The following CCDC3 variants were observed in gnomAD, a reference collection of about 807,000 sequenced individuals.
CCDC3 encodes coiled-coil domain-containing protein 3.
CCDC3 carries 24 observed loss-of-function variants against 21.4 expected under a neutral mutation model. The ratio of observed to expected loss-of-function variants is 1.12; its 90% CI spans 0.81 to 1.58. The LOEUF (loss-of-function observed/expected upper bound fraction) is 1.58, where lower values mean the gene tolerates loss of function less well. CCDC3 is among the 40% of genes most tolerant of loss of function. The probability of loss-of-function intolerance (pLI) is 0.00; values close to 1 mark genes in which losing one functional copy is unlikely to be tolerated. For synonymous variants in CCDC3, 186 were observed against 166.0 expected, an observed-to-expected ratio of 1.12 and a Z score of -0.93; for missense variants, 425 against 360.9, an observed-to-expected ratio of 1.18 and a Z score of -1.44.
chr10:13,022,259 C>T (rs74486212), intron 5 of CCDC3, among the ~76,000 whole-genome samples: 1,637 of 152,106 alleles, frequency 0.011, 26 homozygotes, highest in African/African-American at 0.038. Context: ...CTCTTTTTTT[C>T]ACCCCTTCCA....
At chr10:12,915,011 C>T (rs138573469) in intron 2 of CCDC3, among the ~76,000 whole-genome samples, 9 of 152,172 alleles carry the variant, frequency 5.9e-5, no homozygotes, top group Non-Finnish European at 7.4e-5. Flanking sequence ...TGCTGCATCC[C>T]GTAAGTTTTG....
rs530351325 is a variant in CCDC3 at position 12,993,956 on chromosome 10, C to T, written c.549+4382G>A. Reference sequence around the variant, plus strand: ...CGTAAGATTTCCCCCTCTTCCATCTCCTACCCTCCAAATCGACCCTAGAGT... The same window carrying T: ...CGTAAGATTTCCCCCTCTTCCATCTTCTACCCTCCAAATCGACCCTAGAGT... On this transcript the variant is annotated intron_variant, in intron 2 of 2. Transcript: ENST00000378825. 3.3e-5 allele frequency among the ~76,000 whole-genome samples: 5 copies of T among 152,308 alleles called. 2 individuals are homozygous for T. The South Asian group carries it at 8.3e-4, about 25-fold the overall frequency.
intron 2 of CCDC3, among the ~76,000 whole-genome samples, chr10:12,995,332 C>T (rs1312714840): frequency 6.6e-6 from 1 of 152,152 alleles, no homozygotes; most frequent in Non-Finnish European, 1.5e-5. Flanking sequence ...ACCTCTGCCT[C>T]CCAAGATCAA....
At chr10:13,050,285 C>T (rs1251630142) in intron 4 of CCDC3, among the ~76,000 whole-genome samples, 4 of 152,078 alleles carry the variant, frequency 2.6e-5, no homozygotes, top group African/African-American at 4.8e-5. Flanking sequence ...GGCAGGCTTT[C>T]TCCTTGGTAA....
At chr10:12,998,232 A>T in intron 2 of CCDC3, 106 bp downstream of exon 2, 1 of 1,278,826 alleles carries the variant, frequency 7.8e-7, no homozygotes, top group Non-Finnish European at 1.1e-6. Context: ...ATACTCTCTG[A>T]TCTGGGCTTT....
At chr10:12,916,406 G>A (rs948190505) in intron 2 of CCDC3, among the ~76,000 whole-genome samples, 1 of 140,796 alleles carries the variant, frequency 7.1e-6, no homozygotes, top group South Asian at 2.3e-4. Context: ...CAGCCTGAGG[G>A]ATAGAGACAG....
chr10:12,983,128 G>GTATATATATATA (rs775314375), intron 2 of CCDC3, among the ~76,000 whole-genome samples: 93 of 117,654 alleles, frequency 7.9e-4, no homozygotes, highest in South Asian at 1.4e-3. Context: ...AAATAAAATA[G>GTATATATATATA]TGTATATATA....
At chr10:13,006,309 G>A (rs539004187), upstream of CCDC3, among the ~76,000 whole-genome samples, 12 of 152,188 alleles carry the variant, frequency 7.9e-5, no homozygotes, top group East Asian at 5.8e-4. Flanking sequence ...CAGTAGCTAC[G>A]AAGCAAATGC....
intron 5 of CCDC3, among the ~76,000 whole-genome samples, chr10:13,032,961 T>C (rs1242583440): frequency 6.6e-6 from 1 of 152,188 alleles, no homozygotes; most frequent in Non-Finnish European, 1.5e-5. Flanking sequence ...AAGCTACCAA[T>C]GACTTTCTTC....
Position 12,942,309 on chromosome 10 carries a change from G to T in CCDC3, c.550-43630C>A, listed in dbSNP as rs964218011. ...TTCTGTAAAGTAGTAAATTTTGTGG[G>T]TTTTGTATCTGGTACTGATACAGGA... On this transcript the variant is annotated intron_variant, in intron 2 of 2. Transcript: ENST00000378825. Among the ~76,000 whole-genome samples the T allele has an allele frequency of 4.7e-4, 71 of 152,298 alleles. 1 individual carries two copies. Among genetic ancestry groups the T allele is most frequent in the African/African-American group, 1.6e-3 (67 of 41,556 alleles).
At chr10:13,061,288 G>C (rs923240017) in intron 4 of CCDC3, among the ~76,000 whole-genome samples, 16 of 152,156 alleles carry the variant, frequency 1.1e-4, no homozygotes, top group African/African-American at 3.9e-4. Flanking sequence ...TACTGCAGTG[G>C]GCTTCCGGTG....
intron 2 of CCDC3, among the ~76,000 whole-genome samples, chr10:12,953,804 A>G (rs141742291): frequency 6.6e-6 from 1 of 152,170 alleles, no homozygotes; most frequent in African/African-American, 2.4e-5. Context: ...AGAACAACAT[A>G]AGTCTTTGGA....
At chr10:12,916,015 C>T (rs781445588) in intron 2 of CCDC3, among the ~76,000 whole-genome samples, 8 of 152,012 alleles carry the variant, frequency 5.3e-5, no homozygotes, top group Non-Finnish European at 1.2e-4. Context: ...GGTCCTGGAG[C>T]CTGGGTTCTC....
intron 5 of CCDC3, among the ~76,000 whole-genome samples, chr10:13,026,725 C>T (rs1836221749): frequency 6.6e-6 from 1 of 152,144 alleles, no homozygotes; most frequent in Admixed American, 6.5e-5. Flanking sequence ...ACATGCTAAC[C>T]ATTTCGTTTT....
At chr10:12,984,855 G>A (rs1163683143) in intron 2 of CCDC3, among the ~76,000 whole-genome samples, 1 of 152,158 alleles carries the variant, frequency 6.6e-6, no homozygotes, top group Non-Finnish European at 1.5e-5. Flanking sequence ...AGTAGGCAAA[G>A]CCATAGAGAC....
At chr10:13,032,492 G>T (rs920496211) in intron 5 of CCDC3, among the ~76,000 whole-genome samples, 12 of 152,130 alleles carry the variant, frequency 7.9e-5, no homozygotes, top group African/African-American at 2.7e-4. Flanking sequence ...TCTGGCCAGG[G>T]CAATCAGGCA....
chr10:13,061,855 AT>A (rs1727576330), intron 4 of CCDC3, among the ~76,000 whole-genome samples: 1 of 152,166 alleles, frequency 6.6e-6, no homozygotes, highest in African/African-American at 2.4e-5. Flanking sequence ...ACTGTTTCCT[AT>A]TCAGACCTTT....
At chr10:13,023,090 T>C (rs1836168017) in intron 5 of CCDC3, among the ~76,000 whole-genome samples, 2 of 151,886 alleles carry the variant, frequency 1.3e-5, no homozygotes, top group African/African-American at 2.4e-5. Context: ...TTGCACACTT[T>C]TTTTTTGCAC....
intron 5 of CCDC3, among the ~76,000 whole-genome samples, chr10:13,036,900 A>G (rs1836384411): frequency 6.6e-6 from 1 of 150,438 alleles, no homozygotes; most frequent in Non-Finnish European, 1.5e-5. Flanking sequence ...TCATCTCAGT[A>G]TCCAGCATAG....
Sources: gnomAD v4.1 joint callset for allele counts (sites outside exome capture counted in the v4.1 genomes callset) on GRCh38, gnomAD v4.1.1 for gene constraint, MANE v1.5 for transcripts, NCBI Gene and HGNC (gene_info 2026-07-23, HGNC 2026-07-21) for gene names.